Variants in GPALPP1 observed in about 807,000 individuals in gnomAD.
GPALPP1 encodes the protein GPALPP motifs containing 1, also known as GPALPP motifs-containing protein 1.
In GPALPP1, 30 loss-of-function variants were observed where a neutral mutation model predicts 38.9. The observed-to-expected ratio is 0.77, with a 90% CI of 0.58 to 1.05. The LOEUF (loss-of-function observed/expected upper bound fraction) is 1.05, where lower values mean the gene tolerates loss of function less well. Ranked by LOEUF, GPALPP1 falls within the 50% of genes least tolerant of loss-of-function variation. The probability of loss-of-function intolerance (pLI) is 0.00; values close to 1 mark genes in which losing one functional copy is unlikely to be tolerated. For synonymous variants in GPALPP1, 120 were observed against 139.2 expected (o/e 0.86, Z 0.97); for missense variants, 384 against 408.8 (o/e 0.94, Z 0.52).
At chr13:45,037,557 C>G (rs1876429012) in exon 8 of GPALPP1, 1 of 152,114 alleles carries the variant, frequency 6.6e-6, no homozygotes, top group East Asian at 1.9e-4. Flanking sequence ...TAGTGTTTTT[C>G]CCTAACAGCC....
At chr13:44,993,111 C>T (rs1004707611) in intron 1 of GPALPP1, among the ~76,000 whole-genome samples, 6 of 152,088 alleles carry the variant, frequency 3.9e-5, no homozygotes, top group Admixed American at 6.5e-5. Flanking sequence ...TATTGTAGCA[C>T]GTTAGAATTT....
At chr13:45,026,228 A>G (rs1875824926) in intron 7 of GPALPP1, among the ~76,000 whole-genome samples, 1 of 152,220 alleles carries the variant, frequency 6.6e-6, no homozygotes. Context: ...ACTTTGCTTA[A>G]CCCAGTATAT....
chr13:45,000,001 A>G (rs1566073545), intron 1 of GPALPP1, among the ~76,000 whole-genome samples: 2 of 151,862 alleles, frequency 1.3e-5, no homozygotes, highest in African/African-American at 4.8e-5. Context: ...TTTTTATACT[A>G]TTTTTCCGTG....
intron 1 of GPALPP1, among the ~76,000 whole-genome samples, chr13:44,999,533 T>A (rs1036731369): frequency 7.2e-5 from 11 of 152,150 alleles, no homozygotes; most frequent in African/African-American, 2.7e-4. Flanking sequence ...TGTCCTTACT[T>A]TTATTAGGGG....
chr13:45,014,636 AT>A (rs1874702702), intron 4 of GPALPP1, among the ~76,000 whole-genome samples: 1 of 152,108 alleles, frequency 6.6e-6, no homozygotes, highest in African/African-American at 2.4e-5. Context: ...TAGTTGTCTA[AT>A]TATTGTACTA....
intron 1 of GPALPP1, among the ~76,000 whole-genome samples, chr13:44,995,209 C>CT (rs1555254088): frequency 1.9e-4 from 28 of 148,408 alleles, no homozygotes; most frequent in East Asian, 6.0e-4. Flanking sequence ...CACACCCCTT[C>CT]TCTTTTGGTT....
chr13:45,014,882 G>A (rs1434318819), intron 4 of GPALPP1, 70 bp from the exon 5 acceptor site: 1 of 1,179,952 alleles, frequency 8.5e-7, no homozygotes, highest in Non-Finnish European at 1.2e-6. Context: ...TTAAATGCAG[G>A]TAATTTAGAA....
chr13:45,034,996 T>G (rs532674710), downstream of GPALPP1: 341 of 135,868 alleles, frequency 2.5e-3, no homozygotes, highest in African/African-American at 8.9e-3. Flanking sequence ...TGGCTCTGTC[T>G]CTCAGGCTGG....
At chr13:45,018,565 T>C (rs1875047089) in intron 6 of GPALPP1, among the ~76,000 whole-genome samples, 1 of 152,174 alleles carries the variant, frequency 6.6e-6, no homozygotes, top group Non-Finnish European at 1.5e-5. Flanking sequence ...CACTTTTCTT[T>C]TTTTATAAGT....
chr13:45,020,640 C>T (rs79582431), intron 7 of GPALPP1, among the ~76,000 whole-genome samples: 1 of 109,668 alleles, frequency 9.1e-6, no homozygotes, highest in Non-Finnish European at 1.9e-5. Flanking sequence ...CCTAATGTCT[C>T]AAAAAAAAAA....
Position 45,029,872 on chromosome 13 carries a change from T to C in GPALPP1, c.*1869T>C, listed in dbSNP as rs1172317775. ...GAAAAACTATTTTGCTTTTTCCAAC[T>C]TTAATAGTTAGTATTTCTAGGGGAG... is the stretch of plus-strand genomic sequence containing the variant. On this transcript the variant is annotated 3_prime_UTR_variant, in exon 8 of 8. Coordinates refer to ENST00000379151, the MANE Select transcript of GPALPP1 (RefSeq NM_018559.5). The C allele has an allele frequency of 6.6e-6, 1 of 152,202 alleles. No individual in the cohort carries two copies. Among genetic ancestry groups the C allele is most frequent in the Non-Finnish European group, 1.5e-5 (1 of 68,028 alleles). The allele number at this position is 152,202 out of a possible 1,614,324, so 9.4% of individuals were successfully genotyped here.
rs1566082208 is a variant in GPALPP1, at chr13:45,019,089, G to GAAA, written c.706-1241_706-1240insAAA. 1.4e-4 allele frequency among the ~76,000 whole-genome samples: 15 copies of GAAA among 110,578 alleles called. 1 individual carries two copies. In the East Asian group the frequency reaches 3.5e-3, roughly 26 times the overall value. The allele number at this position is 110,578 out of a possible 152,430, so 72.5% of individuals were successfully genotyped here. On this transcript the variant is annotated intron_variant, in intron 6 of 7. Transcript: ENST00000379151. ...TATAAATATATACATATAAATATAT[G>GAAA]TATATATATTTATATATATTTATAT...
chr13:45,024,735 T>C (rs1415110782), intron 7 of GPALPP1, among the ~76,000 whole-genome samples: 1 of 151,888 alleles, frequency 6.6e-6, no homozygotes, highest in Non-Finnish European at 1.5e-5. Flanking sequence ...AAGACCAGCC[T>C]GGCCAACATG....
chr13:44,991,355 G>T (rs1028962913), intron 1 of GPALPP1, among the ~76,000 whole-genome samples: 2 of 151,778 alleles, frequency 1.3e-5, no homozygotes, highest in African/African-American at 4.8e-5. Flanking sequence ...GCTGAGGCAG[G>T]AGAATTGCTT....
Position 44,989,634 on chromosome 13 carries a change from G to A in GPALPP1, c.-21G>A. On this transcript the variant is annotated 5_prime_UTR_variant, in exon 1 of 8. Coordinates refer to ENST00000379151, the MANE Select transcript of GPALPP1 (RefSeq NM_018559.5). ...CGTTCGTGGATAGACTCATATCTGT[G>A]ACCAGTGTCCGCCACCGCGGATGGC... 1 of 1,601,976 alleles carries A rather than the reference G, an allele frequency of 6.2e-7. No individual in the cohort carries two copies. The highest frequency in any genetic ancestry group is 8.5e-7 in the Non-Finnish European group (1 of 1,169,974).
intron 1 of GPALPP1, among the ~76,000 whole-genome samples, chr13:44,999,581 A>C (rs1448681187): frequency 6.6e-6 from 1 of 152,028 alleles, no homozygotes; most frequent in African/African-American, 2.4e-5. Flanking sequence ...CACTTTTAAT[A>C]TTCTTCTCTT....
Position 45,006,302 on chromosome 13 carries a change from A to G in GPALPP1, c.322A>G (p.Arg108Gly). 1.3e-6 allele frequency: 2 copies of G among 1,504,406 alleles called. No homozygotes were observed. Among genetic ancestry groups the G allele is most frequent in the Non-Finnish European group, 1.8e-6 (2 of 1,083,166 alleles). 93.2% of individuals were successfully genotyped at this position (1,504,406 alleles called of 1,614,324 possible). A position where few individuals can be genotyped will look rare whatever the true frequency, so the allele number is the denominator to read the frequency against. The change falls in exon 3 of 8, where the codon AGG becomes GGG. Residue 108 changes from arginine to glycine, a missense_variant and splice_region_variant. Coordinates refer to ENST00000379151, the MANE Select transcript of GPALPP1 (RefSeq NM_018559.5). ...GFKKQDDSPP[R>G]PIIGPALPPG... ...TAAAAAGCAGGATGATTCTCCTCCA[A>G]GGTGATAATGTGTAATATTTTAGGC... is the stretch of plus-strand genomic sequence containing the variant.
chr13:45,000,051 T>C (rs1404536768), intron 1 of GPALPP1, among the ~76,000 whole-genome samples: 1 of 152,222 alleles, frequency 6.6e-6, no homozygotes, highest in African/African-American at 2.4e-5. Context: ...ATGAGTTTTA[T>C]CTTCATCTGC....
intron 1 of GPALPP1, chr13:44,990,249 T>C (rs1872695713): frequency 3.5e-6 from 1 of 283,562 alleles, no homozygotes; most frequent in Non-Finnish European, 6.5e-6. Context: ...ATTCTGTTAT[T>C]GCATCTGACA....
Sources: gnomAD v4.1 joint callset for allele counts (sites outside exome capture counted in the v4.1 genomes callset) on GRCh38, gnomAD v4.1.1 for gene constraint, MANE v1.5 for transcripts, NCBI Gene and HGNC (gene_info 2026-07-23, HGNC 2026-07-21) for gene names.